SEMA4B: variants seen among roughly 807,000 people sequenced by gnomAD.
SEMA4B encodes semaphorin-4B.
In SEMA4B, 55 loss-of-function variants were observed where a neutral mutation model predicts 88.1. The observed-to-expected ratio is 0.62, with a 90% CI of 0.50 to 0.78. The LOEUF (loss-of-function observed/expected upper bound fraction) is 0.78. SEMA4B is among the 30% of genes least tolerant of loss of function. The pLI is 0.00. For synonymous variants in SEMA4B, 525 were observed against 473.6 expected (o/e 1.11, Z -1.41); for missense variants, 1,062 against 1,111.9 (o/e 0.96, Z 0.64).
chr15:90,226,767 G>C (rs1962194336), intron 12 of SEMA4B, among the ~76,000 whole-genome samples: 1 of 152,118 alleles, frequency 6.6e-6, no homozygotes, highest in Non-Finnish European at 1.5e-5. Flanking sequence ...TGCCAGGAGG[G>C]ACACCCCAGA....
At chr15:90,202,213 C>T (rs1567046574) in intron 1 of SEMA4B, among the ~76,000 whole-genome samples, 1 of 152,286 alleles carries the variant, frequency 6.6e-6, no homozygotes, top group Non-Finnish European at 1.5e-5. Context: ...CTCTCCGCCC[C>T]TCCATCCCTG....
Position 90,227,573 on chromosome 15 carries a change from A to C in SEMA4B, c.1705A>C (p.Ile569Leu). 1 of 1,614,000 alleles carries C rather than the reference A, an allele frequency of 6.2e-7. No individual in the cohort carries two copies. Among genetic ancestry groups the C allele is most frequent in the Non-Finnish European group, 8.5e-7 (1 of 1,179,894 alleles). Residue 569 changes from isoleucine (I) to leucine (L), a missense_variant, in exon 13 of 14, where the codon ATC becomes CTC. By Grantham distance (5) the Ile-to-Leu change is conservative. Transcript: ENST00000411539. ...GGCCCTCAGGCCGTGGATCCAGGACATCGAGGGAGCCAGCGCCAAGGACCT... is the reference window on the plus strand; with the variant it reads ...GGCCCTCAGGCCGTGGATCCAGGACCTCGAGGGAGCCAGCGCCAAGGACCT... ...QLATRPWIQDIEGASAKDLCS... is the reference protein window; with the variant it reads ...QLATRPWIQDLEGASAKDLCS...
intron 1 of SEMA4B, among the ~76,000 whole-genome samples, chr15:90,216,392 G>GT (rs1298199683): frequency 1.3e-5 from 2 of 151,994 alleles, no homozygotes; most frequent in East Asian, 3.8e-4. Context: ...TCACCGTACT[G>GT]TATTCACTTC....
At chr15:90,226,016 C>T (rs1188615406) in intron 12 of SEMA4B, among the ~76,000 whole-genome samples, 189 bp downstream of exon 12, 1 of 152,176 alleles carries the variant, frequency 6.6e-6, no homozygotes, top group Non-Finnish European at 1.5e-5. Context: ...TTTATCTTGG[C>T]TACCTGTAAA....
At chr15:90,185,006 G>C in exon 1 of SEMA4B, 1 of 985,826 alleles carries the variant, frequency 1.0e-6, no homozygotes. Context: ...TGGCAAGGGG[G>C]ACGAGTCAGT....
rs1962344408 is a variant in SEMA4B, at chr15:90,228,766, G to A, written c.*123G>A. 3.0e-6 allele frequency: 4 copies of A among 1,322,958 alleles called. No homozygotes were observed. The highest frequency in any genetic ancestry group is 2.3e-5 in the Admixed American group (1 of 43,858). 82.0% of individuals were successfully genotyped at this position (1,322,958 alleles called of 1,614,324 possible). On this transcript the variant is annotated 3_prime_UTR_variant, in exon 14 of 14. Transcript: ENST00000411539. Reference sequence around the variant, plus strand: ...CGACCGTGGTGCCCGGCCCTTGGGAGCCTTGGGGCCAGCTGGCCTGCTGCT... The same window carrying A: ...CGACCGTGGTGCCCGGCCCTTGGGAACCTTGGGGCCAGCTGGCCTGCTGCT...
At chr15:90,208,320 T>A (rs1961092669) in intron 1 of SEMA4B, among the ~76,000 whole-genome samples, 1 of 152,158 alleles carries the variant, frequency 6.6e-6, no homozygotes, top group Admixed American at 6.5e-5. Flanking sequence ...AAATTTTACA[T>A]AAAAATCTAG....
At chr15:90,198,807 G>T (rs999688432), upstream of SEMA4B, among the ~76,000 whole-genome samples, 2 of 152,206 alleles carry the variant, frequency 1.3e-5, no homozygotes, top group Non-Finnish European at 2.9e-5. Flanking sequence ...AGGTCATTGT[G>T]AATGAGATGG....
chr15:90,206,299 T>A (rs1960985339), intron 1 of SEMA4B, among the ~76,000 whole-genome samples: 1 of 152,148 alleles, frequency 6.6e-6, no homozygotes, highest in South Asian at 2.1e-4. Context: ...AACGCGAGAC[T>A]CCTGTGGTCG....
intron 1 of SEMA4B, among the ~76,000 whole-genome samples, chr15:90,202,302 C>T (rs917583393): frequency 6.8e-4 from 103 of 152,270 alleles, no homozygotes; most frequent in African/African-American, 2.4e-3. Flanking sequence ...ATGGGGGCAG[C>T]TCTGGGCGCT....
chr15:90,225,623 C>T, intron 11 of SEMA4B, 38 bp from the exon 12 acceptor site: 1 of 1,546,256 alleles, frequency 6.5e-7, no homozygotes. Flanking sequence ...GCCCTGGCTG[C>T]CCATGCCCGC....
At chr15:90,206,703 G>A (rs1427167564) in intron 1 of SEMA4B, 12 of 736,502 alleles carry the variant, frequency 1.6e-5, no homozygotes, top group Admixed American at 4.0e-5. Flanking sequence ...TTAGACAAGC[G>A]CCAAGCCCAT....
Position 90,221,478 on chromosome 15 carries a change from A to G in SEMA4B, c.707A>G (p.Gln236Arg). The change falls in exon 6 of 14, where the codon CAA (glutamine) becomes CGA (arginine). Residue 236 changes from glutamine (Q) to arginine (R), a missense_variant and splice_region_variant. Transcript: ENST00000411539. ...TKTESSLNWL[Q>R]DPAFVASAYI... ...ACCGAGAGCTCCCTCAACTGGCTGC[A>G]AGGTGAAGTCCTCTTGCCACCACCC... is the stretch of plus-strand genomic sequence containing the variant. 1 of 1,598,306 alleles carries G rather than the reference A, an allele frequency of 6.3e-7. No individual in the cohort carries two copies. The highest frequency in any genetic ancestry group is 1.1e-5 in the South Asian group (1 of 88,996).
intron 3 of SEMA4B, 59 bp from the exon 4 acceptor site, chr15:90,219,734 G>A: frequency 7.3e-7 from 1 of 1,376,624 alleles, no homozygotes; most frequent in Non-Finnish European, 1.0e-6. Context: ...GGGCTCGGCG[G>A]TGCCCCCTGG....
Position 90,217,849 on chromosome 15 carries a change from G to T in SEMA4B, c.384+20G>T, listed in dbSNP as rs1187012488. The T allele has an allele frequency of 6.2e-7, 1 of 1,604,864 alleles. No homozygotes were observed. On this transcript the variant is annotated intron_variant, in intron 3 of 13. Coordinates refer to ENST00000411539, the MANE Select transcript of SEMA4B (RefSeq NM_198925.4). ...CCACAGGTGAGCCCACACCTGGAAG[G>T]GAGCTGAGCTGCAGGAGGGATGGAG...
upstream of SEMA4B, among the ~76,000 whole-genome samples, chr15:90,197,930 A>ATTT (rs564036454): frequency 6.3e-5 from 9 of 143,080 alleles, no homozygotes; most frequent in Admixed American, 5.6e-4. Context: ...TAATTAATTA[A>ATTT]TTTTTTTTTT....
Position 90,221,681 on chromosome 15 carries a change from G to T in SEMA4B, c.777G>T (p.Lys259Asn), listed in dbSNP as rs913602071. Residue 259 changes from lysine to asparagine, a missense_variant, in exon 7 of 14, where the codon AAG (lysine) becomes AAT (asparagine). Transcript: ENST00000411539. ...GCAGCTTGCAAGGCGATGATGACAAGATCTACTTTTTCTTCAGCGAGACTG... is the reference window on the plus strand; with the variant it reads ...GCAGCTTGCAAGGCGATGATGACAATATCTACTTTTTCTTCAGCGAGACTG... ...SLGSLQGDDD[K>N]IYFFFSETGQ... is the part of the protein sequence containing the mutation. 15 of 1,613,926 alleles carry T rather than the reference G, an allele frequency of 9.3e-6. No homozygotes were observed. Among genetic ancestry groups the T allele is most frequent in the Non-Finnish European group, 1.2e-5 (14 of 1,179,910 alleles).
chr15:90,190,583 G>A (rs532000937), intron 1 of SEMA4B: 5 of 152,486 alleles, frequency 3.3e-5, no homozygotes, highest in South Asian at 4.1e-4. Context: ...GGTTTCCTGA[G>A]GTGGAGGGAG....
chr15:90,216,386 C>T (rs146630334), intron 1 of SEMA4B, among the ~76,000 whole-genome samples: 3 of 152,234 alleles, frequency 2.0e-5, no homozygotes, highest in Non-Finnish European at 4.4e-5. Flanking sequence ...ATTCTGTCAC[C>T]GTACTGTATT....
Sources: gnomAD v4.1 joint callset for allele counts (sites outside exome capture counted in the v4.1 genomes callset) on GRCh38, gnomAD v4.1.1 for gene constraint, MANE v1.5 for transcripts, NCBI Gene and HGNC (gene_info 2026-07-23, HGNC 2026-07-21) for gene names.